GALNT17: variants seen among roughly 807,000 people sequenced by gnomAD.
The protein encoded by GALNT17 is polypeptide N-acetylgalactosaminyltransferase 17, also known as UDP-GalNAc:polypeptide N-acetylgalactosaminyltransferase-like 3.
Under a neutral mutation model 63.7 loss-of-function variants are expected in GALNT17, and 29 were observed. The ratio of observed to expected loss-of-function variants is 0.46; its 90% CI spans 0.34 to 0.62. The LOEUF (loss-of-function observed/expected upper bound fraction) is 0.62, where lower values mean the gene tolerates loss of function less well. GALNT17 is among the 20% of genes least tolerant of loss of function. The probability of loss-of-function intolerance (pLI) is 0.01; values close to 1 mark genes in which losing one functional copy is unlikely to be tolerated. For synonymous variants in GALNT17, 305 were observed against 318.3 expected (o/e 0.96, Z 0.45); for missense variants, 603 against 799.6 (o/e 0.75, Z 2.97).
intron 5 of GALNT17, among the ~76,000 whole-genome samples, chr7:71,533,764 G>C (rs536118401): frequency 2.0e-5 from 3 of 152,290 alleles, no homozygotes; most frequent in South Asian, 2.1e-4. Context: ...AGTATTGCCA[G>C]GGAAGACAGC....
chr7:71,556,709 G>C (rs1478062264), intron 5 of GALNT17, among the ~76,000 whole-genome samples: 1 of 150,574 alleles, frequency 6.6e-6, no homozygotes, highest in Admixed American at 6.6e-5. Context: ...ACAAGCTCGA[G>C]CCACCACACC....
chr7:71,560,461 G>C (rs1313508243), intron 5 of GALNT17, among the ~76,000 whole-genome samples: 1 of 152,172 alleles, frequency 6.6e-6, no homozygotes, highest in African/African-American at 2.4e-5. Flanking sequence ...CACAAGGAAG[G>C]AGAGCATGGG....
intron 3 of GALNT17, among the ~76,000 whole-genome samples, chr7:71,397,605 C>T (rs148439375): frequency 1.4e-4 from 21 of 152,318 alleles, no homozygotes; most frequent in East Asian, 9.6e-4. Flanking sequence ...TGACAACTCT[C>T]GCTGCATCTA....
Position 71,193,495 on chromosome 7 carries a change from C to T in GALNT17, c.238+60455C>T, listed in dbSNP as rs955708557. Among the ~76,000 whole-genome samples, 29 of 143,134 alleles carry T rather than the reference C, an allele frequency of 2.0e-4. No homozygotes were observed. The East Asian group carries it at 3.8e-3, about 19-fold the overall frequency. The allele number at this position is 143,134 out of a possible 152,430, so 93.9% of individuals were successfully genotyped here. A position where few individuals can be genotyped will look rare whatever the true frequency, so the allele number is the denominator to read the frequency against. ...TTTTTGGTGTAAACATCTCCTTTCC[C>T]GGCTTTGACTCGGTGGAGGAGAGCT... On this transcript the variant is annotated intron_variant, in intron 1 of 10. Coordinates refer to ENST00000333538, the MANE Select transcript of GALNT17 (RefSeq NM_022479.3).
At chr7:71,320,221 T>C (rs564801410) in intron 1 of GALNT17, among the ~76,000 whole-genome samples, 2 of 152,244 alleles carry the variant, frequency 1.3e-5, no homozygotes, top group East Asian at 3.9e-4. Context: ...AACAAAAATG[T>C]AATGTGCCAC....
At chr7:71,689,764 A>T (rs1791413899) in intron 9 of GALNT17, among the ~76,000 whole-genome samples, 1 of 152,226 alleles carries the variant, frequency 6.6e-6, no homozygotes, top group Non-Finnish European at 1.5e-5. Context: ...CTATTAGAAG[A>T]AGGTGCTATC....
At chr7:71,346,376 C>T (rs1792096342) in intron 2 of GALNT17, among the ~76,000 whole-genome samples, 1 of 152,072 alleles carries the variant, frequency 6.6e-6, no homozygotes, top group African/African-American at 2.4e-5. Context: ...GAATCACTAA[C>T]CACAATAATT....
chr7:71,281,582 C>A (rs959497716), intron 1 of GALNT17, among the ~76,000 whole-genome samples: 1 of 152,176 alleles, frequency 6.6e-6, no homozygotes, highest in Non-Finnish European at 1.5e-5. Context: ...TAATGAGCAT[C>A]ATGTAGAAAG....
chr7:71,178,016 C>G (rs1788669464), intron 1 of GALNT17, among the ~76,000 whole-genome samples: 1 of 152,130 alleles, frequency 6.6e-6, no homozygotes, highest in Non-Finnish European at 1.5e-5. Context: ...GGTATTCACT[C>G]CCTCCTGTAT....
At chr7:71,523,165 C>T (rs757249511) in intron 5 of GALNT17, among the ~76,000 whole-genome samples, 8 of 152,166 alleles carry the variant, frequency 5.3e-5, no homozygotes, top group South Asian at 2.1e-4. Flanking sequence ...GTGGCTCATG[C>T]GTGTAATCCC....
intron 5 of GALNT17, among the ~76,000 whole-genome samples, chr7:71,535,018 A>C (rs1000486552): frequency 2.6e-5 from 4 of 152,180 alleles, no homozygotes; most frequent in African/African-American, 9.7e-5. Context: ...AGAATAGTAC[A>C]TACAACCCTC....
intron 1 of GALNT17, among the ~76,000 whole-genome samples, chr7:71,179,760 A>G (rs971280663): frequency 1.3e-5 from 2 of 152,240 alleles, no homozygotes; most frequent in East Asian, 3.9e-4. Flanking sequence ...AGCCAGTTAC[A>G]GTTCTGGATC....
chr7:71,380,361 A>C (rs1030548375), intron 2 of GALNT17, among the ~76,000 whole-genome samples: 1 of 152,140 alleles, frequency 6.6e-6, no homozygotes, highest in South Asian at 2.1e-4. Context: ...TTTGAAACAG[A>C]ATCTTGTTCT....
intron 5 of GALNT17, among the ~76,000 whole-genome samples, chr7:71,504,389 C>CAATAAATA (rs201531403): frequency 1.9e-4 from 29 of 150,934 alleles, no homozygotes; most frequent in Admixed American, 4.6e-4. Flanking sequence ...GACTCCGTCT[C>CAATAAATA]AATAAATAAA....
chr7:71,592,563 C>CATAGCATAGCATACTAAAATAAAATAAAA (rs373112898), intron 6 of GALNT17, among the ~76,000 whole-genome samples: 1 of 69,954 alleles, frequency 1.4e-5, no homozygotes, highest in African/African-American at 4.7e-5. Flanking sequence ...GCATAGCATA[C>CATAGCATAGCATACTAAAATAAAATAAAA]TAAAATAAAA....
At chr7:71,617,292 G>T (rs373907946) in intron 6 of GALNT17, among the ~76,000 whole-genome samples, 66 of 85,386 alleles carry the variant, frequency 7.7e-4, no homozygotes, top group Admixed American at 4.2e-3. Flanking sequence ...AGTATTTTTG[G>T]TTTTTTTTTT....
intron 5 of GALNT17, among the ~76,000 whole-genome samples, chr7:71,432,984 T>C (rs1455296898): frequency 6.6e-6 from 1 of 152,196 alleles, no homozygotes; most frequent in Non-Finnish European, 1.5e-5. Flanking sequence ...TAATTTTTTG[T>C]ATTTTTAGTA....
chr7:71,684,118 C>T (rs1791313731), intron 9 of GALNT17, among the ~76,000 whole-genome samples: 1 of 152,112 alleles, frequency 6.6e-6, no homozygotes, highest in African/African-American at 2.4e-5. Flanking sequence ...CCCACAGACC[C>T]CCAGTTCTAC....
intron 6 of GALNT17, among the ~76,000 whole-genome samples, chr7:71,645,865 T>C (rs893211476): frequency 6.6e-6 from 1 of 152,178 alleles, no homozygotes; most frequent in Admixed American, 6.5e-5. Flanking sequence ...GCAGGCCCAA[T>C]TTCACATAGA....
Sources: gnomAD v4.1 joint callset for allele counts (sites outside exome capture counted in the v4.1 genomes callset) on GRCh38, gnomAD v4.1.1 for gene constraint, MANE v1.5 for transcripts, NCBI Gene and HGNC (gene_info 2026-07-23, HGNC 2026-07-21) for gene names.